Variants in DCC observed in about 807,000 individuals in gnomAD.
The protein encoded by DCC is netrin receptor DCC.
DCC carries 58 observed loss-of-function variants against 172.5 expected under a neutral mutation model. The observed-to-expected ratio is 0.34, with a 90% confidence interval of 0.27 to 0.42. The LOEUF (loss-of-function observed/expected upper bound fraction) is 0.42, where lower values mean the gene tolerates loss of function less well. DCC is among the 10% of genes least tolerant of loss of function. The probability of loss-of-function intolerance (pLI) is 1.00; values close to 1 mark genes in which losing one functional copy is unlikely to be tolerated. For missense variants in DCC, 1,740 were observed against 1,791.0 expected, an observed-to-expected ratio of 0.97 and a Z score of 0.51; for synonymous variants, 709 against 644.5, an observed-to-expected ratio of 1.10 and a Z score of -1.52.
chr18:52,916,670 C>A (rs1244933052), intron 3 of DCC, among the ~76,000 whole-genome samples: 1 of 152,126 alleles, frequency 6.6e-6, no homozygotes, highest in Non-Finnish European at 1.5e-5. Context: ...TGCTAGATTT[C>A]ACATTACAAC....
intron 15 of DCC, 56 bp from the exon 16 acceptor site, chr18:53,385,987 T>C: frequency 8.6e-7 from 1 of 1,162,148 alleles, no homozygotes; most frequent in Non-Finnish European, 1.3e-6. Context: ...TTGCCTTGAG[T>C]ATTTTGATAC....
chr18:53,448,223 A>G (rs557255590), intron 22 of DCC, among the ~76,000 whole-genome samples: 5 of 152,342 alleles, frequency 3.3e-5, no homozygotes, highest in South Asian at 2.1e-4. Flanking sequence ...TAATAAAGAC[A>G]TAGCTGAGAC....
intron 8 of DCC, among the ~76,000 whole-genome samples, chr18:53,175,180 A>G (rs1323818386): frequency 6.6e-6 from 1 of 152,176 alleles, no homozygotes; most frequent in Admixed American, 6.5e-5. Context: ...CATATTTCCA[A>G]ATAATAAGAG....
chr18:53,462,279 A>G (rs1184311596), intron 24 of DCC, among the ~76,000 whole-genome samples: 4 of 152,090 alleles, frequency 2.6e-5, no homozygotes, highest in Non-Finnish European at 4.4e-5. Context: ...GCAAAAGAGC[A>G]AAGCTTCATA....
chr18:52,660,267 A>G (rs893192736), intron 1 of DCC, among the ~76,000 whole-genome samples: 1 of 152,146 alleles, frequency 6.6e-6, no homozygotes, highest in Non-Finnish European at 1.5e-5. Flanking sequence ...GCAAAAGGAC[A>G]TTCCACAGGA....
rs557603632 is a variant in DCC at position 52,657,925 on chromosome 18, C to T, written c.92-94129C>T. 6.6e-5 allele frequency among the ~76,000 whole-genome samples: 10 copies of T among 152,270 alleles called. No individual in the cohort carries two copies. The South Asian group carries it at 8.3e-4, about 13-fold the overall frequency. ...TGGTAAAAGTGATACAGATGAACCG[C>T]GTTAATCACCACACTTCCAGTGTTA... On this transcript the variant is annotated intron_variant, in intron 1 of 28. Coordinates refer to ENST00000442544, the MANE Select transcript of DCC (RefSeq NM_005215.4).
intron 15 of DCC, among the ~76,000 whole-genome samples, chr18:53,346,502 G>T (rs573373391): frequency 1.3e-5 from 2 of 151,898 alleles, no homozygotes; most frequent in African/African-American, 2.4e-5. Flanking sequence ...TCTTGATATT[G>T]AGTGATTTAT....
At chr18:52,776,062 C>T (rs952736138) in intron 2 of DCC, among the ~76,000 whole-genome samples, 3 of 152,206 alleles carry the variant, frequency 2.0e-5, no homozygotes, top group Admixed American at 6.5e-5. Context: ...TCAACAGACA[C>T]AAGCAAATAT....
At chr18:52,372,294 T>C (rs1045199040) in intron 1 of DCC, among the ~76,000 whole-genome samples, 1 of 152,178 alleles carries the variant, frequency 6.6e-6, no homozygotes, top group Non-Finnish European at 1.5e-5. Context: ...ATTGGTTGTG[T>C]AGTTGGAAAG....
At chr18:52,490,198 C>T (rs1370124263) in intron 1 of DCC, among the ~76,000 whole-genome samples, 1 of 152,048 alleles carries the variant, frequency 6.6e-6, no homozygotes, top group African/African-American at 2.4e-5. Flanking sequence ...ATAGACCTGG[C>T]AATTTCTATA....
intron 1 of DCC, among the ~76,000 whole-genome samples, chr18:52,525,870 TTTGAG>T (rs1303877935): frequency 5.3e-5 from 8 of 152,190 alleles, no homozygotes; most frequent in South Asian, 2.1e-4. Context: ...TTGCACCTTA[TTTGAG>T]TTATGTTATC....
Position 53,157,505 on chromosome 18 carries a change from G to A in DCC, c.1411G>A (p.Asp471Asn), listed in dbSNP as rs979054696. Residue 471 changes from aspartate to asparagine, a missense_variant, in exon 8 of 29, where the codon GAC (aspartate) becomes AAC (asparagine). Physicochemically the swap from Asp to Asn is conservative, Grantham distance 23. Coordinates refer to ENST00000442544, the MANE Select transcript of DCC (RefSeq NM_005215.4). ...CACGGTCTTTTTCTCCAGAGAAGGT[G>A]ACAACAGGTAGGTGATGCTACCAAT... ...TFTVFFSREGDNRERALNTTQ... is the reference protein window; with the variant it reads ...TFTVFFSREGNNRERALNTTQ... The A allele has an allele frequency of 6.2e-7, 1 of 1,614,038 alleles. No individual in the cohort carries two copies. The highest frequency in any genetic ancestry group is 1.1e-5 in the South Asian group (1 of 91,066).
intron 2 of DCC, among the ~76,000 whole-genome samples, chr18:52,774,861 G>A (rs764669475): frequency 6.6e-6 from 1 of 152,332 alleles, no homozygotes; most frequent in Middle Eastern, 3.4e-3. Context: ...ACCTTCGGCA[G>A]CTGAGCCAAA....
At chr18:53,194,581 T>C (rs1484091785) in intron 9 of DCC, among the ~76,000 whole-genome samples, 1 of 151,956 alleles carries the variant, frequency 6.6e-6, no homozygotes, top group Non-Finnish European at 1.5e-5. Context: ...GCGATTCTCC[T>C]GCCTCAGCCT....
At position 53,428,218 on chromosome 18, in the gene DCC, A is replaced by G. The variant is rs1295828492; in HGVS notation, c.3164-6926A>G. On this transcript the variant is annotated intron_variant, in intron 21 of 28. Transcript: ENST00000442544. ...TATATAATATTATATATAAGTATAT[A>G]TAATTATAATTATATATATAATTAA... Among the ~76,000 whole-genome samples, 17 of 32,638 alleles carry G rather than the reference A, an allele frequency of 5.2e-4. 2 individuals are homozygous for G. Among genetic ancestry groups the G allele is most frequent in the African/African-American group, 1.3e-3 (17 of 13,398 alleles). The allele number at this position is 32,638 out of a possible 152,430, so 21.4% of individuals were successfully genotyped here.
intron 9 of DCC, among the ~76,000 whole-genome samples, chr18:53,204,107 A>G (rs2055586905): frequency 7.1e-6 from 1 of 140,330 alleles, no homozygotes; most frequent in African/African-American, 3.3e-5. Context: ...ACAATTTGAT[A>G]TGAGTATCAT....
chr18:53,061,542 G>A (rs777349487), intron 5 of DCC, among the ~76,000 whole-genome samples: 11 of 152,172 alleles, frequency 7.2e-5, no homozygotes, highest in Middle Eastern at 3.4e-3. Context: ...AATAATAAAG[G>A]GAAAGGAGGG....
rs547044731 is a variant in DCC, at chr18:52,425,338, G to A, written c.91+84460G>A. On this transcript the variant is annotated intron_variant, in intron 1 of 28. Transcript: ENST00000442544. ...CCTCAGATAGATCCCTGAGTGTCAC[G>A]GGGCTCTAAGTCTCATGATGATCCA... 3.9e-5 allele frequency among the ~76,000 whole-genome samples: 6 copies of A among 152,146 alleles called. No homozygotes were observed. In the South Asian group the frequency reaches 1.0e-3, roughly 26 times the overall value.
chr18:52,416,784 G>A (rs1395636289), intron 1 of DCC, among the ~76,000 whole-genome samples: 4 of 151,986 alleles, frequency 2.6e-5, no homozygotes, highest in African/African-American at 9.7e-5. Context: ...CTTGAGATGG[G>A]TTTCCTGAAT....
Sources: allele counts gnomAD v4.1 joint callset (sites outside exome capture counted in the v4.1 genomes callset), GRCh38; gene constraint gnomAD v4.1.1; transcripts MANE v1.5; gene names NCBI Gene and HGNC (gene_info 2026-07-23, HGNC 2026-07-21).